Variants in CATSPERT observed in about 807,000 individuals in gnomAD.
CATSPERT encodes the protein cation channel sperm-associated targeting subunit tau.
the CATSPERT span, chr2:201,556,922 ACTTAT>A: frequency 1.2e-3 from 189 of 152,170 alleles, no homozygotes; most frequent in African/African-American, 4.4e-3. Flanking sequence ...TCACCATTTC[ACTTAT>A]CTTAATTTTA....
At chr2:201,618,729 A>T in the CATSPERT span, among the ~76,000 whole-genome samples, 4 of 150,272 alleles carry the variant, frequency 2.7e-5, no homozygotes, top group East Asian at 2.0e-4. Context: ...AAATAAAAAT[A>T]AAAAAAAGGA....
At chr2:201,612,445 G>C in the CATSPERT span, among the ~76,000 whole-genome samples, 1 of 151,954 alleles carries the variant, frequency 6.6e-6, no homozygotes, top group Admixed American at 6.6e-5. Context: ...CTGGTGGTGG[G>C]TGCCTGTAAT....
the CATSPERT span, chr2:201,536,423 T>C: frequency 6.0e-6 from 8 of 1,329,408 alleles, no homozygotes; most frequent in Non-Finnish European, 7.0e-6. Flanking sequence ...CCTTATCCTT[T>C]AGCATAACAA....
the CATSPERT span, among the ~76,000 whole-genome samples, chr2:201,539,683 G>T: frequency 6.6e-6 from 1 of 151,612 alleles, no homozygotes; most frequent in Admixed American, 6.6e-5. Flanking sequence ...CTATGCCACT[G>T]ACCAGCTGTT....
the CATSPERT span, chr2:201,537,350 C>G: frequency 8.6e-7 from 1 of 1,160,768 alleles, no homozygotes; most frequent in South Asian, 1.7e-5. Flanking sequence ...ATGCCTTTCT[C>G]TATCTATAAA....
At chr2:201,581,368 T>C in the CATSPERT span, among the ~76,000 whole-genome samples, 21 of 148,462 alleles carry the variant, frequency 1.4e-4, no homozygotes, top group African/African-American at 5.2e-4. Context: ...AAAATTTATT[T>C]TCCAGAAAGT....
At chr2:201,492,423 C>G in the CATSPERT span, 1 of 1,532,902 alleles carries the variant, frequency 6.5e-7, no homozygotes. Flanking sequence ...ATAAAGCTAT[C>G]AGATAGTTTT....
At chr2:201,530,419 C>T in the CATSPERT span, among the ~76,000 whole-genome samples, 186 of 152,234 alleles carry the variant, frequency 1.2e-3, no homozygotes, top group African/African-American at 4.3e-3. Flanking sequence ...ACTACGCAGC[C>T]TTAAAAAAGA....
chr2:201,558,637 T>C, the CATSPERT span, among the ~76,000 whole-genome samples: 1 of 152,182 alleles, frequency 6.6e-6, no homozygotes, highest in South Asian at 2.1e-4. Context: ...CAGAACCCCA[T>C]AGTCCTCACA....
At chr2:201,489,859 AT>A in the CATSPERT span, among the ~76,000 whole-genome samples, 542 of 142,774 alleles carry the variant, frequency 3.8e-3, no homozygotes, top group African/African-American at 9.4e-3. Flanking sequence ...TACTTTCCTA[AT>A]TTTTTTTTTT....
At chr2:201,585,557 T>C in the CATSPERT span, among the ~76,000 whole-genome samples, 2 of 152,042 alleles carry the variant, frequency 1.3e-5, no homozygotes, top group East Asian at 1.9e-4. Context: ...GTGGCAAATA[T>C]GTAGGTAAAC....
At chr2:201,512,527 A>C in the CATSPERT span, among the ~76,000 whole-genome samples, 3 of 152,228 alleles carry the variant, frequency 2.0e-5, no homozygotes, top group Admixed American at 6.5e-5. Flanking sequence ...ATATAAATGG[A>C]ATCATACAGT....
chr2:201,489,397 T>G, the CATSPERT span, among the ~76,000 whole-genome samples: 24 of 152,302 alleles, frequency 1.6e-4, no homozygotes, highest in Admixed American at 3.3e-4. Context: ...TCCGAGTGTG[T>G]AGACACGTGT....
the CATSPERT span, among the ~76,000 whole-genome samples, chr2:201,531,774 G>A: frequency 2.0e-5 from 3 of 152,240 alleles, no homozygotes; most frequent in African/African-American, 7.2e-5. Context: ...GAATACTAAT[G>A]TGGCTGAAGC....
At chr2:201,535,929 A>C in the CATSPERT span, 1 of 1,564,940 alleles carries the variant, frequency 6.4e-7, no homozygotes, top group Non-Finnish European at 8.7e-7. Flanking sequence ...CCTTTCAGCT[A>C]AGTTTAGATT....
the CATSPERT span, among the ~76,000 whole-genome samples, chr2:201,524,182 G>T: frequency 6.6e-6 from 1 of 151,834 alleles, no homozygotes; most frequent in Non-Finnish European, 1.5e-5. Context: ...GATTCTCCAA[G>T]GTCAATGCAA....
At chr2:201,585,711 A>C in the CATSPERT span, among the ~76,000 whole-genome samples, 1 of 152,238 alleles carries the variant, frequency 6.6e-6, no homozygotes, top group Non-Finnish European at 1.5e-5. Context: ...TCCCAGGAGA[A>C]GGATGAAAGA....
the CATSPERT span, among the ~76,000 whole-genome samples, chr2:201,543,217 T>C: frequency 6.6e-6 from 1 of 152,354 alleles, no homozygotes; most frequent in African/African-American, 2.4e-5. Flanking sequence ...ATCTATATGT[T>C]TATCTTTATG....
chr2:201,579,433 T>C, the CATSPERT span, among the ~76,000 whole-genome samples: 1 of 151,554 alleles, frequency 6.6e-6, no homozygotes, highest in African/African-American at 2.4e-5. Context: ...TTTTTGTGGG[T>C]TTTGTTTTTG....
Sources: gnomAD v4.1 joint callset for allele counts (sites outside exome capture counted in the v4.1 genomes callset) on GRCh38, gnomAD v4.1.1 for gene constraint, MANE v1.5 for transcripts, NCBI Gene and HGNC (gene_info 2026-07-23, HGNC 2026-07-21) for gene names.